Variants in ZFYVE9 observed in about 807,000 individuals in gnomAD.
The protein encoded by ZFYVE9 is zinc finger FYVE-type containing 9.
A neutral mutation model predicts 126.7 loss-of-function variants in ZFYVE9; 43 were observed. The ratio of observed to expected loss-of-function variants is 0.34; its 90% CI spans 0.27 to 0.44. The LOEUF is 0.44. Among genes scored for constraint, ZFYVE9 ranks in the 20% least tolerant of loss-of-function variants. The pLI is 1.00. For synonymous variants in ZFYVE9, 521 were observed against 597.4 expected (o/e 0.87, Z 1.87); for missense variants, 1,476 against 1,697.0 (o/e 0.87, Z 2.29).
intron 4 of ZFYVE9, among the ~76,000 whole-genome samples, chr1:52,255,763 C>T (rs1038434203): frequency 6.6e-6 from 1 of 151,560 alleles, no homozygotes; most frequent in African/African-American, 2.4e-5. Context: ...TATTGCGGCG[C>T]GTACCTGTAG....
At chr1:52,332,371 AAG>A (rs1244779863) in intron 13 of ZFYVE9, among the ~76,000 whole-genome samples, 3 of 152,104 alleles carry the variant, frequency 2.0e-5, no homozygotes, top group African/African-American at 7.3e-5. Context: ...GAAGTTGAAA[AAG>A]AAAGCAGATG....
At chr1:52,171,240 G>C (rs1644565918) in intron 1 of ZFYVE9, among the ~76,000 whole-genome samples, 1 of 151,898 alleles carries the variant, frequency 6.6e-6, no homozygotes, top group Admixed American at 6.6e-5. Flanking sequence ...CTATGAGTGA[G>C]AACATGCGGT....
intron 4 of ZFYVE9, 137 bp downstream of exon 4, chr1:52,239,732 G>T: frequency 1.0e-6 from 1 of 984,544 alleles, no homozygotes. Context: ...CCCAGTTCTA[G>T]TAAATTTCTA....
At chr1:52,226,660 G>C (rs1192975529) in intron 2 of ZFYVE9, among the ~76,000 whole-genome samples, 1 of 152,112 alleles carries the variant, frequency 6.6e-6, no homozygotes, top group Non-Finnish European at 1.5e-5. Flanking sequence ...CTGACAACAC[G>C]TGCCCAGGGT....
chr1:52,173,412 T>G (rs1644591756), intron 1 of ZFYVE9, among the ~76,000 whole-genome samples: 3 of 152,264 alleles, frequency 2.0e-5, no homozygotes, highest in South Asian at 2.1e-4. Context: ...GCCAGTATTT[T>G]ATTGAGGATT....
Position 52,278,626 on chromosome 1 carries a change from A to T in ZFYVE9, c.2869+12A>T, listed in dbSNP as rs746750782. ...TAAAATTGTAAATTGTAAGTTATAA[A>T]TTTTTAAAAATTAAAATCAGATGTT... On this transcript the variant is annotated intron_variant, in intron 9 of 18. Transcript: ENST00000287727. The T allele has an allele frequency of 6.7e-7, 1 of 1,494,460 alleles. No individual in the cohort carries two copies. Among genetic ancestry groups the T allele is most frequent in the Non-Finnish European group, 9.1e-7 (1 of 1,099,478 alleles). The allele number at this position is 1,494,460 out of a possible 1,614,324, so 92.6% of individuals were successfully genotyped here.
intron 13 of ZFYVE9, among the ~76,000 whole-genome samples, chr1:52,324,980 T>TA (rs1448131710): frequency 1.1e-4 from 16 of 151,846 alleles, no homozygotes; most frequent in Non-Finnish European, 2.4e-4. Context: ...CCATACAAAA[T>TA]TAAAAATAAA....
intron 9 of ZFYVE9, among the ~76,000 whole-genome samples, chr1:52,280,209 C>T (rs1287269163): frequency 1.4e-5 from 2 of 146,100 alleles, no homozygotes; most frequent in Non-Finnish European, 1.5e-5. Context: ...AAACCTCATC[C>T]CTACCAAAAA....
chr1:52,201,322 C>T (rs890719159), intron 1 of ZFYVE9, among the ~76,000 whole-genome samples: 1 of 150,524 alleles, frequency 6.6e-6, no homozygotes, highest in South Asian at 2.1e-4. Flanking sequence ...ATATATTAAC[C>T]TTGTATCCTG....
intron 1 of ZFYVE9, among the ~76,000 whole-genome samples, chr1:52,188,399 A>G (rs886911275): frequency 6.6e-6 from 1 of 152,198 alleles, no homozygotes; most frequent in African/African-American, 2.4e-5. Context: ...CTGGGTGACA[A>G]AATAATTTGT....
intron 1 of ZFYVE9, among the ~76,000 whole-genome samples, chr1:52,201,129 T>C (rs1312093194): frequency 6.6e-6 from 1 of 152,202 alleles, no homozygotes; most frequent in Non-Finnish European, 1.5e-5. Context: ...GGAATATCTT[T>C]TCATTTATTT....
intron 10 of ZFYVE9, among the ~76,000 whole-genome samples, chr1:52,284,906 ATATATG>A (rs1399255389): frequency 6.6e-6 from 1 of 152,210 alleles, no homozygotes; most frequent in African/African-American, 2.4e-5. Context: ...ACACGAACAT[ATATATG>A]TATATCTAAG....
At chr1:52,260,278 A>C (rs908541801) in intron 4 of ZFYVE9, among the ~76,000 whole-genome samples, 1 of 151,892 alleles carries the variant, frequency 6.6e-6, no homozygotes, top group Non-Finnish European at 1.5e-5. Context: ...CATGTGTGGT[A>C]TTTACTATAT....
At chr1:52,273,065 G>A (rs1645710584) in intron 7 of ZFYVE9, among the ~76,000 whole-genome samples, 1 of 152,078 alleles carries the variant, frequency 6.6e-6, no homozygotes. Flanking sequence ...GGAGTGCAAT[G>A]GTGCGATCTT....
chr1:52,343,580 A>AC (rs1380198527), intron 17 of ZFYVE9, among the ~76,000 whole-genome samples: 1 of 151,338 alleles, frequency 6.6e-6, no homozygotes, highest in African/African-American at 2.4e-5. Flanking sequence ...ACATGGTGAA[A>AC]CCCCGTCTCT....
At chr1:52,301,109 C>T (rs1646029265) in intron 12 of ZFYVE9, among the ~76,000 whole-genome samples, 1 of 151,788 alleles carries the variant, frequency 6.6e-6, no homozygotes, top group South Asian at 2.1e-4. Flanking sequence ...ATCCTCCTGC[C>T]CTGGCCTACC....
intron 13 of ZFYVE9, among the ~76,000 whole-genome samples, chr1:52,320,883 T>C (rs556660741): frequency 1.3e-5 from 2 of 152,194 alleles, no homozygotes; most frequent in Non-Finnish European, 1.5e-5. Flanking sequence ...TAAAAGAAAA[T>C]ACATCATTTT....
intron 13 of ZFYVE9, among the ~76,000 whole-genome samples, chr1:52,332,168 C>T (rs1160944415): frequency 6.6e-6 from 1 of 151,740 alleles, no homozygotes; most frequent in Admixed American, 6.6e-5. Context: ...TGAGTTCTTA[C>T]ATATTACATG....
At chr1:52,171,552 C>A (rs1331166773) in intron 1 of ZFYVE9, among the ~76,000 whole-genome samples, 1 of 152,122 alleles carries the variant, frequency 6.6e-6, no homozygotes, top group African/African-American at 2.4e-5. Flanking sequence ...TTTTCTAGTT[C>A]TAGATCCCTG....
Sources: gnomAD v4.1 joint callset for allele counts (sites outside exome capture counted in the v4.1 genomes callset) on GRCh38, gnomAD v4.1.1 for gene constraint, MANE v1.5 for transcripts, NCBI Gene and HGNC (gene_info 2026-07-23, HGNC 2026-07-21) for gene names.